The following NF1 variants were observed in gnomAD, a reference collection of about 807,000 sequenced individuals.
The protein encoded by NF1 is neurofibromin 1.
Under a neutral mutation model 325.7 loss-of-function variants are expected in NF1, and 122 were observed. The observed-to-expected ratio is 0.37, with a 90% CI of 0.32 to 0.44. The LOEUF (loss-of-function observed/expected upper bound fraction) is 0.44, where lower values mean the gene tolerates loss of function less well. NF1 is among the 20% of genes least tolerant of loss of function. The pLI, the probability that NF1 is intolerant of heterozygous loss-of-function variation, is 1.00. For missense variants in NF1, 2,140 were observed against 3,415.4 expected (o/e 0.63, Z 9.31); for synonymous variants, 1,091 against 1,186.0 (o/e 0.92, Z 1.65).
intron 57 of NF1, among the ~76,000 whole-genome samples, chr17:31,370,060 G>A (rs914644829): frequency 1.3e-5 from 2 of 151,840 alleles, no homozygotes; most frequent in Non-Finnish European, 2.9e-5. Flanking sequence ...GATCCTTACA[G>A]TAAAACATCT....
At chr17:31,275,169 A>C (rs1026635190) in intron 36 of NF1, among the ~76,000 whole-genome samples, 1 of 152,136 alleles carries the variant, frequency 6.6e-6, no homozygotes. Context: ...AGCCTCCCCA[A>C]CTTGCCCAAA....
At chr17:31,342,636 C>T (rs1167903005) in intron 47 of NF1, among the ~76,000 whole-genome samples, 3 of 152,094 alleles carry the variant, frequency 2.0e-5, no homozygotes, top group Non-Finnish European at 2.9e-5. Context: ...GCATCTGCCT[C>T]GGTATTTTCA....
Position 31,326,261 on chromosome 17 carries a change from C to T in NF1, c.5268+9C>T, listed in dbSNP as rs956188716. ...CCAAAGTTTCTATTAAAGTAAGTTCCAGTCTGTGTTTTGTAAACGATTCAT... is the reference window on the plus strand; with the variant it reads ...CCAAAGTTTCTATTAAAGTAAGTTCTAGTCTGTGTTTTGTAAACGATTCAT... On this transcript the variant is annotated intron_variant, in intron 37 of 57. Transcript: ENST00000358273. 3 of 1,604,478 alleles carry T rather than the reference C, an allele frequency of 1.9e-6. No homozygotes were observed. The highest frequency in any genetic ancestry group is 2.7e-5 in the African/African-American group (2 of 74,910).
chr17:31,213,420 G>A (rs2066764085), intron 12 of NF1, among the ~76,000 whole-genome samples: 1 of 152,162 alleles, frequency 6.6e-6, no homozygotes, highest in Non-Finnish European at 1.5e-5. Context: ...AAACATTGAG[G>A]ATAGTTCATT....
intron 27 of NF1, among the ~76,000 whole-genome samples, chr17:31,234,439 TGAGGCGG>T (rs2067165586): frequency 6.6e-6 from 1 of 151,978 alleles, no homozygotes; most frequent in Non-Finnish European, 1.5e-5. Flanking sequence ...TTTGGGAGGC[TGAGGCGG>T]GAGGATCACA....
chr17:31,240,212 C>T (rs1435880057), intron 29 of NF1, among the ~76,000 whole-genome samples: 3 of 152,086 alleles, frequency 2.0e-5, no homozygotes, highest in Admixed American at 2.0e-4. Context: ...CATCCCCGGT[C>T]TCCCCTTCCC....
At chr17:31,341,746 C>G (rs2069831502) in intron 47 of NF1, among the ~76,000 whole-genome samples, 2 of 151,546 alleles carry the variant, frequency 1.3e-5, no homozygotes, top group Admixed American at 1.3e-4. Flanking sequence ...TGAACATGGG[C>G]AAATTACTTC....
chr17:31,271,214 T>C (rs1362628006), intron 36 of NF1, among the ~76,000 whole-genome samples: 5 of 152,222 alleles, frequency 3.3e-5, no homozygotes, highest in African/African-American at 1.2e-4. Context: ...AAGTTCTCGA[T>C]TCCAGGCATC....
chr17:31,178,773 A>G (rs898725829), intron 5 of NF1, among the ~76,000 whole-genome samples: 9 of 152,246 alleles, frequency 5.9e-5, no homozygotes, highest in Non-Finnish European at 1.2e-4. Context: ...AAAGAAGGGT[A>G]TTACATAATG....
At chr17:31,305,444 A>G (rs762769586) in intron 36 of NF1, 5 of 1,614,168 alleles carry the variant, frequency 3.1e-6, no homozygotes, top group Non-Finnish European at 1.7e-6. Context: ...GGTTGACCCA[A>G]AGGATTCCCT....
At chr17:31,104,005 C>T (rs1021322154) in intron 1 of NF1, among the ~76,000 whole-genome samples, 58 of 151,984 alleles carry the variant, frequency 3.8e-4, no homozygotes, top group African/African-American at 1.3e-3. Context: ...TGGGTGAGAC[C>T]CTGTCTCAAA....
intron 1 of NF1, among the ~76,000 whole-genome samples, chr17:31,113,519 C>T (rs1913612185): frequency 1.3e-5 from 2 of 151,512 alleles, no homozygotes; most frequent in African/African-American, 4.9e-5. Flanking sequence ...GCATGAGTCA[C>T]TGAACTTGGC....
intron 36 of NF1, among the ~76,000 whole-genome samples, chr17:31,288,001 C>T (rs1171933173): frequency 1.3e-5 from 2 of 151,138 alleles, no homozygotes; most frequent in Admixed American, 6.6e-5. Context: ...TTAGTGGGTG[C>T]AGCACACCAG....
intron 1 of NF1, among the ~76,000 whole-genome samples, chr17:31,132,270 G>A (rs1367451157): frequency 1.3e-5 from 2 of 151,506 alleles, no homozygotes; most frequent in Non-Finnish European, 1.5e-5. Context: ...GGCCAGACTT[G>A]GTGGGTCATG....
intron 1 of NF1, among the ~76,000 whole-genome samples, chr17:31,120,808 C>T (rs191948444): frequency 1.6e-4 from 24 of 151,878 alleles, no homozygotes; most frequent in African/African-American, 5.8e-4. Flanking sequence ...AAATCAGCAT[C>T]TGGACTGCAG....
chr17:31,305,676 G>A, intron 36 of NF1: 2 of 1,503,534 alleles, frequency 1.3e-6, no homozygotes, highest in Non-Finnish European at 1.8e-6. Context: ...AGGCGTCATT[G>A]GTGTCTAGTT....
At position 31,319,731 on chromosome 17, in the gene NF1, GT is replaced by G. The variant is rs2069128528; in HGVS notation, c.4836-6085del. Among the ~76,000 whole-genome samples, 3 of 141,792 alleles carry G rather than the reference GT, an allele frequency of 2.1e-5. No individual in the cohort carries two copies. The South Asian group carries it at 7.0e-4, about 33-fold the overall frequency. The allele number at this position is 141,792 out of a possible 152,430, so 93.0% of individuals were successfully genotyped here. A position where few individuals can be genotyped will look rare whatever the true frequency, so the allele number is the denominator to read the frequency against. ...TCTTTCTGAAGGCAAAGGCATACCA[GT>G]TTTCTCAACCTAAAAATCTGAAGAA... On this transcript the variant is annotated intron_variant, in intron 36 of 57. Coordinates refer to ENST00000358273, the MANE Select transcript of NF1 (RefSeq NM_001042492.3).
At chr17:31,260,608 A>C (rs1179110112) in intron 34 of NF1, 93 bp downstream of exon 34, 1 of 1,392,492 alleles carries the variant, frequency 7.2e-7, no homozygotes, top group African/African-American at 1.4e-5. Flanking sequence ...TTTACTTTGC[A>C]TCTTCTTGGA....
chr17:31,109,880 T>G (rs1913253405), intron 1 of NF1, among the ~76,000 whole-genome samples: 1 of 152,246 alleles, frequency 6.6e-6, no homozygotes, highest in Admixed American at 6.5e-5. Context: ...AACTTTTGTT[T>G]TAACTCTTCT....
Sources: allele counts gnomAD v4.1 joint callset (sites outside exome capture counted in the v4.1 genomes callset), GRCh38; gene constraint gnomAD v4.1.1; transcripts MANE v1.5; gene names NCBI Gene and HGNC (gene_info 2026-07-23, HGNC 2026-07-21).